Variants in KCNH5 observed in about 807,000 individuals in gnomAD.
KCNH5 encodes voltage-gated delayed rectifier potassium channel KCNH5.
KCNH5 carries 46 observed loss-of-function variants against 96.1 expected under a neutral mutation model. The ratio of observed to expected loss-of-function variants is 0.48; its 90% CI spans 0.38 to 0.61. The LOEUF (loss-of-function observed/expected upper bound fraction) is 0.61, where lower values mean the gene tolerates loss of function less well. KCNH5 is among the 20% of genes least tolerant of loss of function. KCNH5 has a pLI of 0.00. For missense variants in KCNH5, 907 were observed against 1,225.8 expected, an observed-to-expected ratio of 0.74 and a Z score of 3.88; for synonymous variants, 439 against 449.8, an observed-to-expected ratio of 0.98 and a Z score of 0.30.
intron 4 of KCNH5, among the ~76,000 whole-genome samples, chr14:62,990,931 G>C (rs965108414): frequency 6.6e-6 from 1 of 152,032 alleles, no homozygotes. Context: ...AAAACCATCA[G>C]ATCTCAGAGA....
At chr14:62,836,830 GTGCCTGATGTAC>G (rs1255389887) in intron 8 of KCNH5, among the ~76,000 whole-genome samples, 1 of 152,122 alleles carries the variant, frequency 6.6e-6, no homozygotes, top group African/African-American at 2.4e-5. Context: ...TGCATCTCCA[GTGCCTGATGTAC>G]TGCCTGGAAC....
intron 6 of KCNH5, among the ~76,000 whole-genome samples, chr14:62,951,068 T>C (rs1227377156): frequency 6.6e-6 from 1 of 152,138 alleles, no homozygotes; most frequent in Non-Finnish European, 1.5e-5. Context: ...TTGGTATATA[T>C]GGGGAAAATG....
rs552906500 is a variant in KCNH5, at chr14:63,016,833, G to A, written c.195C>T (p.Cys65=). 364 of 1,607,190 alleles carry A rather than the reference G, an allele frequency of 2.3e-4. 1 individual carries two copies. In the South Asian group the frequency reaches 3.9e-3, roughly 17 times the overall value. The part of the protein sequence containing the change: ...RADVMQKSST[C]SFMYGELTDK... ...TACTTAGCTATTCTGTTACCTACCT[G>A]CAAGTGCTGCTTTTCTGCATGACGT... Residue 65 remains cysteine, a splice_region_variant and synonymous_variant, in exon 2 of 11, where the codon TGC becomes TGT. Transcript: ENST00000322893.
chr14:62,944,126 C>A (rs183293588), intron 7 of KCNH5, among the ~76,000 whole-genome samples: 80 of 152,192 alleles, frequency 5.3e-4, no homozygotes, highest in African/African-American at 1.8e-3. Flanking sequence ...CCACATCCAA[C>A]TTAGCATTAT....
At chr14:62,908,392 G>T (rs997788637) in intron 7 of KCNH5, among the ~76,000 whole-genome samples, 30 of 152,126 alleles carry the variant, frequency 2.0e-4, no homozygotes, top group African/African-American at 7.0e-4. Flanking sequence ...CGCCTACTCA[G>T]TAACACAAAA....
chr14:62,987,573 C>A (rs890697297), intron 4 of KCNH5, among the ~76,000 whole-genome samples: 13 of 152,192 alleles, frequency 8.5e-5, no homozygotes, highest in Admixed American at 7.2e-4. Context: ...CTGGTTCTCA[C>A]CAATGGAATG....
At chr14:63,031,444 G>A (rs1367569722) in intron 1 of KCNH5, among the ~76,000 whole-genome samples, 2 of 152,060 alleles carry the variant, frequency 1.3e-5, no homozygotes, top group Non-Finnish European at 2.9e-5. Flanking sequence ...CATGTGGGAT[G>A]TTTCCTCCCT....
intron 7 of KCNH5, among the ~76,000 whole-genome samples, chr14:62,912,437 G>A (rs928290094): frequency 2.7e-5 from 4 of 147,836 alleles, no homozygotes; most frequent in African/African-American, 7.5e-5. Context: ...ACGGAGTTTC[G>A]CTTTTTTCGC....
intron 10 of KCNH5, among the ~76,000 whole-genome samples, chr14:62,774,296 G>A (rs1353807063): frequency 6.6e-6 from 1 of 152,156 alleles, no homozygotes; most frequent in Admixed American, 6.5e-5. Context: ...GGGAAGGAAA[G>A]TTGATATTCA....
intron 7 of KCNH5, among the ~76,000 whole-genome samples, chr14:62,923,724 C>T (rs1009991292): frequency 6.6e-6 from 1 of 151,872 alleles, no homozygotes; most frequent in Non-Finnish European, 1.5e-5. Context: ...GGGGAAAGAA[C>T]AGTATCTTCA....
chr14:62,776,648 C>G (rs1886102396), intron 10 of KCNH5, among the ~76,000 whole-genome samples: 1 of 152,160 alleles, frequency 6.6e-6, no homozygotes, highest in South Asian at 2.1e-4. Context: ...TGGTCCTTGA[C>G]AGAAAAATTT....
chr14:63,000,484 T>C (rs1890990091), intron 4 of KCNH5, among the ~76,000 whole-genome samples: 1 of 152,230 alleles, frequency 6.6e-6, no homozygotes, highest in Admixed American at 6.5e-5. Flanking sequence ...TTGACTATTA[T>C]AGTCAATAAG....
intron 7 of KCNH5, among the ~76,000 whole-genome samples, chr14:62,915,605 C>G (rs1422482194): frequency 6.6e-6 from 1 of 152,172 alleles, no homozygotes; most frequent in African/African-American, 2.4e-5. Flanking sequence ...GAATACATAG[C>G]AGGACCCCAA....
At chr14:62,761,296 A>C (rs1885743604) in intron 10 of KCNH5, among the ~76,000 whole-genome samples, 1 of 151,860 alleles carries the variant, frequency 6.6e-6, no homozygotes, top group Non-Finnish European at 1.5e-5. Flanking sequence ...CGGAGGTTGC[A>C]ATGAGCCAAG....
chr14:62,961,227 T>G (rs888617103), intron 6 of KCNH5, among the ~76,000 whole-genome samples: 1 of 152,144 alleles, frequency 6.6e-6, no homozygotes, highest in Non-Finnish European at 1.5e-5. Flanking sequence ...CCTGCCTACC[T>G]CTTCAGACTC....
At chr14:62,818,086 G>C (rs1306918955) in intron 8 of KCNH5, among the ~76,000 whole-genome samples, 3 of 131,826 alleles carry the variant, frequency 2.3e-5, no homozygotes, top group African/African-American at 9.0e-5. Flanking sequence ...ACAGGGTAAA[G>C]GGTGGCTACC....
intron 10 of KCNH5, among the ~76,000 whole-genome samples, chr14:62,765,465 A>T (rs559992775): frequency 6.6e-6 from 1 of 152,328 alleles, no homozygotes; most frequent in East Asian, 1.9e-4. Context: ...GTCCTGGCAA[A>T]GATTTCATGA....
At position 62,962,550 on chromosome 14, in the gene KCNH5, T is replaced by C. The variant is rs144741500; in HGVS notation, c.943-11991A>G. Among the ~76,000 whole-genome samples, 438 of 152,218 alleles carry C rather than the reference T, an allele frequency of 2.9e-3. 1 individual carries two copies. The highest frequency in any genetic ancestry group is 2.0e-3 in the Non-Finnish European group (133 of 68,008). On this transcript the variant is annotated intron_variant, in intron 6 of 10. Transcript: ENST00000322893. ...GTTAGTGAAGAAGAATATGCCAACA[T>C]ACTTGATGAAGTGGAAGAACATATT... is the stretch of plus-strand genomic sequence containing the variant.
chr14:62,992,702 A>G (rs564243775), intron 4 of KCNH5, among the ~76,000 whole-genome samples: 1 of 152,108 alleles, frequency 6.6e-6, no homozygotes, highest in Non-Finnish European at 1.5e-5. Context: ...TGCCTTATAA[A>G]TTCTAGATAT....
Sources: gnomAD v4.1 joint callset for allele counts (sites outside exome capture counted in the v4.1 genomes callset) on GRCh38, gnomAD v4.1.1 for gene constraint, MANE v1.5 for transcripts, NCBI Gene and HGNC (gene_info 2026-07-23, HGNC 2026-07-21) for gene names.